Variants in CNBD1 observed in about 807,000 individuals in gnomAD.
CNBD1 encodes the protein cyclic nucleotide binding domain containing 1, also known as cyclic nucleotide-binding domain-containing protein 1.
A neutral mutation model predicts 54.4 loss-of-function variants in CNBD1; 71 were observed. The ratio of observed to expected loss-of-function variants is 1.30; its 90% confidence interval spans 1.08 to 1.59. The LOEUF (loss-of-function observed/expected upper bound fraction) is 1.59. Among genes scored for constraint, CNBD1 ranks in the 40% most tolerant of loss-of-function variants. The probability of loss-of-function intolerance (pLI) is 0.00; values close to 1 mark genes in which losing one functional copy is unlikely to be tolerated. For synonymous variants in CNBD1, 182 were observed against 170.7 expected (o/e 1.07, Z -0.51); for missense variants, 659 against 518.0 (o/e 1.27, Z -2.64).
intron 4 of CNBD1, among the ~76,000 whole-genome samples, chr8:87,074,418 C>A (rs567805849): frequency 6.6e-6 from 1 of 152,084 alleles, no homozygotes; most frequent in East Asian, 1.9e-4. Flanking sequence ...CTTCCCCATT[C>A]CTAGGGATAT....
intron 8 of CNBD1, among the ~76,000 whole-genome samples, chr8:87,321,697 T>C (rs1420360437): frequency 3.3e-5 from 5 of 152,152 alleles, no homozygotes; most frequent in Non-Finnish European, 5.9e-5. Context: ...TAATTTGATA[T>C]AATCTCATTT....
chr8:87,281,932 T>C lies in CNBD1; in HGVS notation c.772-2746T>C, dbSNP rs553406050. ...TGAGCAGGTTTCTTTTGTGTGTGAG[T>C]CATTTGGTTCATCTCTTCTGGAAAT... is the stretch of plus-strand genomic sequence containing the variant. On this transcript the variant is annotated intron_variant, in intron 6 of 10. Coordinates refer to ENST00000518476, the MANE Select transcript of CNBD1 (RefSeq NM_173538.3). 7.1e-4 allele frequency among the ~76,000 whole-genome samples: 108 copies of C among 151,606 alleles called. 1 individual carries two copies. Among genetic ancestry groups the C allele is most frequent in the Non-Finnish European group, 1.3e-4 (9 of 67,662 alleles).
intron 4 of CNBD1, among the ~76,000 whole-genome samples, chr8:86,960,210 G>T (rs886765239): frequency 6.6e-6 from 1 of 152,100 alleles, no homozygotes; most frequent in Admixed American, 6.6e-5. Context: ...GAAGCACAAG[G>T]GGTCAGGGAA....
intron 5 of CNBD1, among the ~76,000 whole-genome samples, chr8:87,229,531 T>C (rs1242182523): frequency 6.6e-6 from 1 of 152,130 alleles, no homozygotes; most frequent in Non-Finnish European, 1.5e-5. Flanking sequence ...TTTAGACAAT[T>C]TTATAGTATT....
chr8:87,215,085 C>T (rs1460137013), intron 5 of CNBD1, among the ~76,000 whole-genome samples: 1 of 152,114 alleles, frequency 6.6e-6, no homozygotes, highest in African/African-American at 2.4e-5. Context: ...ACCAAATTTA[C>T]ATCAATGAGT....
At chr8:87,032,294 A>T (rs898087612) in intron 4 of CNBD1, among the ~76,000 whole-genome samples, 3 of 152,164 alleles carry the variant, frequency 2.0e-5, no homozygotes, top group Admixed American at 1.3e-4. Flanking sequence ...ACTCCCCTCA[A>T]ACTTAATTAC....
intron 2 of CNBD1, among the ~76,000 whole-genome samples, chr8:87,427,910 T>A (rs369566708): frequency 3.5e-4 from 54 of 152,234 alleles, no homozygotes; most frequent in African/African-American, 9.9e-4. Flanking sequence ...GTTGTTTTTG[T>A]CTCCTGGATC....
At chr8:87,228,553 G>A (rs559556119) in intron 5 of CNBD1, among the ~76,000 whole-genome samples, 304 of 150,390 alleles carry the variant, frequency 2.0e-3, no homozygotes, top group Non-Finnish European at 3.2e-3. Context: ...TAGGCTGCTC[G>A]GGGGTCAGGG....
intron 4 of CNBD1, among the ~76,000 whole-genome samples, chr8:87,126,046 A>G (rs896231499): frequency 6.6e-6 from 1 of 151,844 alleles, no homozygotes. Flanking sequence ...TATTGTATGA[A>G]TACATCACCA....
At chr8:87,357,623 G>A (rs956429998) in intron 10 of CNBD1, among the ~76,000 whole-genome samples, 1 of 152,128 alleles carries the variant, frequency 6.6e-6, no homozygotes, top group Admixed American at 6.5e-5. Flanking sequence ...TTAATAACTT[G>A]TTTTTGGTCT....
intron 10 of CNBD1, among the ~76,000 whole-genome samples, chr8:87,365,989 T>A (rs1810633982): frequency 6.6e-6 from 1 of 152,090 alleles, no homozygotes; most frequent in African/African-American, 2.4e-5. Flanking sequence ...ATAAATCATT[T>A]TTAGTTGCCA....
intron 8 of CNBD1, among the ~76,000 whole-genome samples, chr8:87,328,543 A>T (rs966312097): frequency 5.3e-5 from 8 of 152,068 alleles, no homozygotes; most frequent in African/African-American, 1.9e-4. Context: ...ATCAGAAACT[A>T]TGAGGACTTC....
intron 4 of CNBD1, among the ~76,000 whole-genome samples, chr8:87,167,292 C>T (rs779809813): frequency 8.6e-5 from 13 of 151,996 alleles, no homozygotes; most frequent in Admixed American, 3.9e-4. Flanking sequence ...ATATCGAACA[C>T]CTCAAACATT....
chr8:87,303,552 A>G (rs1236085248), intron 8 of CNBD1, among the ~76,000 whole-genome samples: 1 of 152,148 alleles, frequency 6.6e-6, no homozygotes, highest in South Asian at 2.1e-4. Flanking sequence ...AAACCTAGGC[A>G]ATACCATTCA....
At chr8:87,320,647 T>C (rs928782098) in intron 8 of CNBD1, among the ~76,000 whole-genome samples, 1 of 151,434 alleles carries the variant, frequency 6.6e-6, no homozygotes, top group African/African-American at 2.4e-5. Flanking sequence ...TACATTTAGA[T>C]GAAGAAGTCA....
At chr8:87,373,436 A>C (rs1810860940) in intron 10 of CNBD1, among the ~76,000 whole-genome samples, 1 of 151,854 alleles carries the variant, frequency 6.6e-6, no homozygotes, top group South Asian at 2.1e-4. Flanking sequence ...CGCTTACCTA[A>C]ACATGAAACA....
At chr8:87,273,386 A>AAGC (rs1172057638) in intron 6 of CNBD1, among the ~76,000 whole-genome samples, 2 of 151,864 alleles carry the variant, frequency 1.3e-5, no homozygotes, top group African/African-American at 4.8e-5. Context: ...ATTAAGTAAG[A>AAGC]AGCCCAAATC....
intron 4 of CNBD1, among the ~76,000 whole-genome samples, chr8:86,943,365 C>CAAAAAAA (rs1158061860): frequency 1.6e-3 from 53 of 32,528 alleles, no homozygotes; most frequent in African/African-American, 3.4e-3. Flanking sequence ...GACTCCATCT[C>CAAAAAAA]AAAAAAAAAA....
chr8:87,363,742 T>A (rs866554593), intron 10 of CNBD1, among the ~76,000 whole-genome samples: 1 of 152,138 alleles, frequency 6.6e-6, no homozygotes, highest in African/African-American at 2.4e-5. Flanking sequence ...TCCTTGTGGA[T>A]TCTGGATATT....
Sources: gnomAD v4.1 joint callset for allele counts (sites outside exome capture counted in the v4.1 genomes callset) on GRCh38, gnomAD v4.1.1 for gene constraint, MANE v1.5 for transcripts, NCBI Gene and HGNC (gene_info 2026-07-23, HGNC 2026-07-21) for gene names.